The following HSPB8 variants were observed in gnomAD, a reference collection of about 807,000 sequenced individuals.
HSPB8 encodes the protein heat shock protein beta-8.
HSPB8 carries 9 observed loss-of-function variants against 16.5 expected under a neutral mutation model. The observed-to-expected ratio is 0.55, with a 90% CI of 0.33 to 0.95. The LOEUF is 0.95. Among genes scored for constraint, HSPB8 ranks in the 40% least tolerant of loss-of-function variants. The pLI is 0.03. For synonymous variants in HSPB8, 99 were observed against 94.8 expected (o/e 1.04, Z -0.26); for missense variants, 238 against 251.2 (o/e 0.95, Z 0.35).
intron 2 of HSPB8, 125 bp from the exon 3 acceptor site, chr12:119,193,574 C>A: frequency 9.7e-7 from 1 of 1,036,202 alleles, no homozygotes; most frequent in Non-Finnish European, 1.5e-6. Context: ...AGCCAGGATT[C>A]AAACCCAACA....
At chr12:119,186,878 C>T in intron 1 of HSPB8, 147 bp from the exon 2 acceptor site, 1 of 765,732 alleles carries the variant, frequency 1.3e-6, no homozygotes. Context: ...AGACAAGGTC[C>T]TTGAGGCTTA....
chr12:119,192,604 C>T (rs1954719031), intron 2 of HSPB8, among the ~76,000 whole-genome samples: 2 of 151,990 alleles, frequency 1.3e-5, no homozygotes, highest in Non-Finnish European at 2.9e-5. Flanking sequence ...TGCAGTGAAC[C>T]AAGATCGCGC....
intron 2 of HSPB8, 74 bp from the exon 3 acceptor site, chr12:119,193,625 C>A: frequency 6.6e-7 from 1 of 1,514,156 alleles, no homozygotes; most frequent in Non-Finnish European, 9.2e-7. Context: ...AAAAATATTT[C>A]CTCTCAAGTG....
chr12:119,186,311 C>G (rs1043802206), intron 1 of HSPB8, among the ~76,000 whole-genome samples: 2 of 152,126 alleles, frequency 1.3e-5, no homozygotes, highest in Non-Finnish European at 2.9e-5. Context: ...CATTCTTTTT[C>G]CAGGCTGTGC....
intron 2 of HSPB8, 132 bp from the exon 3 acceptor site, chr12:119,193,567 C>A (rs1271250882): frequency 2.1e-6 from 2 of 933,186 alleles, no homozygotes; most frequent in Non-Finnish European, 1.7e-6. Flanking sequence ...GGGGTAGAGC[C>A]AGGATTCAAA....
chr12:119,187,601 AC>A (rs1339756882), intron 2 of HSPB8, among the ~76,000 whole-genome samples: 1 of 152,052 alleles, frequency 6.6e-6, no homozygotes, highest in Non-Finnish European at 1.5e-5. Context: ...CAAGCGATCC[AC>A]CCACCTCAGC....
At chr12:119,189,706 C>T (rs1321987387) in intron 2 of HSPB8, among the ~76,000 whole-genome samples, 1 of 152,180 alleles carries the variant, frequency 6.6e-6, no homozygotes, top group Non-Finnish European at 1.5e-5. Flanking sequence ...CTGCTGCTCA[C>T]CTCCTGATGT....
intron 1 of HSPB8, among the ~76,000 whole-genome samples, 169 bp downstream of exon 1, chr12:119,179,848 T>TCC (rs1954625795): frequency 6.6e-6 from 1 of 152,254 alleles, no homozygotes; most frequent in Non-Finnish European, 1.5e-5. Context: ...AAAACTTCTC[T>TCC]CCCGGCTCCC....
chr12:119,190,720 G>T (rs1002467277), intron 2 of HSPB8, among the ~76,000 whole-genome samples: 1 of 152,092 alleles, frequency 6.6e-6, no homozygotes. Flanking sequence ...ACTGAGGAAA[G>T]CGATCATGAA....
chr12:119,187,550 G>A (rs1463667583), intron 2 of HSPB8, among the ~76,000 whole-genome samples: 1 of 152,086 alleles, frequency 6.6e-6, no homozygotes. Context: ...TAGAGATGGG[G>A]TTTCGCCATG....
At chr12:119,191,722 A>G (rs1190004745) in intron 2 of HSPB8, among the ~76,000 whole-genome samples, 1 of 152,112 alleles carries the variant, frequency 6.6e-6, no homozygotes, top group Non-Finnish European at 1.5e-5. Context: ...GCCAGCAGGG[A>G]TCAGTGGAAA....
At position 119,179,260 on chromosome 12, in the gene HSPB8, C is replaced by T. The variant is rs1954617822; in HGVS notation, c.-53C>T. The stretch of plus-strand genomic sequence containing the variant: ...CACCACCTTGTTGTGTGACCTTGGG[C>T]AGGTGGTTCTGTCTCTCTGAGCCTC... On this transcript the variant is annotated 5_prime_UTR_variant, in exon 1 of 3. Transcript: ENST00000281938. 3 of 1,579,212 alleles carry T rather than the reference C, an allele frequency of 1.9e-6. No individual in the cohort carries two copies. The highest frequency in any genetic ancestry group is 1.7e-6 in the Non-Finnish European group (2 of 1,151,846).
intron 2 of HSPB8, among the ~76,000 whole-genome samples, chr12:119,189,317 GTGT>G (rs1954697225): frequency 6.6e-6 from 1 of 151,404 alleles, no homozygotes; most frequent in Non-Finnish European, 1.5e-5. Flanking sequence ...GTGTGTGTGT[GTGT>G]GTGTGTGTGT....
At chr12:119,186,782 C>T (rs935051465) in intron 1 of HSPB8, 4 of 528,008 alleles carry the variant, frequency 7.6e-6, no homozygotes, top group Non-Finnish European at 1.0e-5. Flanking sequence ...TAACTACAAA[C>T]CACGGTCTAC....
Position 119,193,712 on chromosome 12 carries a change from G to A in HSPB8, c.445G>A (p.Val149Met). The A allele has an allele frequency of 6.2e-7, 1 of 1,614,192 alleles. No individual in the cohort carries two copies. The highest frequency in any genetic ancestry group is 8.5e-7 in the Non-Finnish European group (1 of 1,180,010). The change falls in exon 3 of 3, where the codon GTG becomes ATG. Residue 149 changes from valine to methionine, a missense_variant. Val to Met is a conservative substitution (Grantham distance 21, BLOSUM62 1). Coordinates refer to ENST00000281938, the MANE Select transcript of HSPB8 (RefSeq NM_014365.3). ...FTKKIQLPAE[V>M]DPVTVFASLS... is the part of the protein sequence containing the mutation. ...TGTTTCTCCTAGGCTTCCTGCAGAG[G>A]TGGATCCTGTGACAGTATTTGCCTC...
chr12:119,184,444 G>A (rs1954660478), intron 1 of HSPB8, among the ~76,000 whole-genome samples: 1 of 152,174 alleles, frequency 6.6e-6, no homozygotes, highest in South Asian at 2.1e-4. Flanking sequence ...CAGAGGCACT[G>A]GCCTGTCCCC....
In HSPB8 at chr12:119,179,362, G is replaced by T; in HGVS notation, c.50G>T (p.Arg17Leu). The change falls in exon 1 of 3, where the codon CGC becomes CTC. Residue 17 changes from arginine to leucine, a missense_variant. Arg to Leu is a moderately radical substitution (Grantham distance 102). Coordinates refer to ENST00000281938, the MANE Select transcript of HSPB8 (RefSeq NM_014365.3). Reference protein sequence around the residue: ...PFSCHYPSRLRRDPFRDSPLS... With the variant: ...PFSCHYPSRLLRDPFRDSPLS... ...TCCTGCCACTACCCAAGCCGCCTGCGCCGAGACCCCTTCCGGGACTCTCCC... is the reference window on the plus strand; with the variant it reads ...TCCTGCCACTACCCAAGCCGCCTGCTCCGAGACCCCTTCCGGGACTCTCCC... The T allele has an allele frequency of 1.9e-6, 3 of 1,614,102 alleles. No homozygotes were observed. Among genetic ancestry groups the T allele is most frequent in the Non-Finnish European group, 1.7e-6 (2 of 1,180,026 alleles).
intron 1 of HSPB8, among the ~76,000 whole-genome samples, chr12:119,185,104 G>C (rs952683084): frequency 3.3e-5 from 5 of 151,628 alleles, no homozygotes; most frequent in Admixed American, 1.3e-4. Context: ...GGGGTGACAG[G>C]ATTATAAGTA....
intron 1 of HSPB8, among the ~76,000 whole-genome samples, chr12:119,184,704 G>A (rs1453802142): frequency 6.6e-6 from 1 of 152,204 alleles, no homozygotes; most frequent in Non-Finnish European, 1.5e-5. Context: ...AGAAATTCTG[G>A]AAGTTGCATT....
Sources: allele counts gnomAD v4.1 joint callset (sites outside exome capture counted in the v4.1 genomes callset), GRCh38; gene constraint gnomAD v4.1.1; transcripts MANE v1.5; gene names NCBI Gene and HGNC (gene_info 2026-07-23, HGNC 2026-07-21).